The following RAB35 variants were observed in gnomAD, a reference collection of about 807,000 sequenced individuals.
RAB35 encodes RAB35, member RAS oncogene family.
Under a neutral mutation model 28.9 loss-of-function variants are expected in RAB35, and 4 were observed. The ratio of observed to expected loss-of-function variants is 0.14; its 90% CI spans 0.07 to 0.32. The LOEUF is 0.32. Ranked by LOEUF, RAB35 falls within the 10% of genes least tolerant of loss-of-function variation. The pLI is 1.00. For synonymous variants in RAB35, 99 were observed against 105.1 expected (o/e 0.94, Z 0.35); for missense variants, 128 against 274.0 (o/e 0.47, Z 3.76).
chr12:120,098,740 T>G, intron 5 of RAB35, 71 bp downstream of exon 5: 2 of 1,590,112 alleles, frequency 1.3e-6, no homozygotes, highest in East Asian at 2.2e-5. Context: ...TTTAGATGCC[T>G]CAAGCAGGCC....
chr12:120,111,342 T>A (rs2139061474), intron 1 of RAB35, among the ~76,000 whole-genome samples: 1 of 152,248 alleles, frequency 6.6e-6, no homozygotes, highest in East Asian at 1.9e-4. Context: ...GCTTGGCCTC[T>A]CCAGGTCCCC....
chr12:120,107,049 T>C (rs948670613), intron 2 of RAB35, among the ~76,000 whole-genome samples: 7 of 152,004 alleles, frequency 4.6e-5, no homozygotes, highest in East Asian at 3.9e-4. Flanking sequence ...AGTGCAGTGG[T>C]GCCATCTCAG....
Position 120,110,290 on chromosome 12 carries a change from A to ATTTTTTTTTTTTTTTTTTTT in RAB35, c.53-1824_53-1823insAAAAAAAAAAAAAAAAAAAA, listed in dbSNP as rs3999541. On this transcript the variant is annotated intron_variant, in intron 1 of 5. Transcript: ENST00000229340. ...TCTGTTCATGGGAGAAGCCCACAGC[A>ATTTTTTTTTTTTTTTTTTTT]TTTTTTTTTTTTTTGGAGAGATAGG... 4.1e-3 allele frequency among the ~76,000 whole-genome samples: 364 copies of ATTTTTTTTTTTTTTTTTTTT among 88,552 alleles called. 73 individuals are homozygous for ATTTTTTTTTTTTTTTTTTTT. Among genetic ancestry groups the ATTTTTTTTTTTTTTTTTTTT allele is most frequent in the African/African-American group, 0.017 (340 of 20,024 alleles). 58.1% of individuals were successfully genotyped at this position (88,552 alleles called of 152,430 possible). A position where few individuals can be genotyped will look rare whatever the true frequency, so the allele number is the denominator to read the frequency against.
In RAB35 at chr12:120,103,680, C is replaced by T; in HGVS notation, c.227+146G>A. The T allele has an allele frequency of 2.4e-6, 3 of 1,230,380 alleles. No individual in the cohort carries two copies. In the South Asian group the frequency reaches 4.2e-5, roughly 17 times the overall value. 76.2% of individuals were successfully genotyped at this position (1,230,380 alleles called of 1,614,324 possible). A position where few individuals can be genotyped will look rare whatever the true frequency, so the allele number is the denominator to read the frequency against. On this transcript the variant is annotated intron_variant, in intron 3 of 5. Transcript: ENST00000229340. The surrounding 1 kb of genome is among the most constrained non-coding windows in gnomAD (Gnocchi z 6.1). ...GGACCAGGAAGGGTGCAGCCAAACGCCACCTACTACAGCCAACAACAGGCT... is the reference window on the plus strand; with the variant it reads ...GGACCAGGAAGGGTGCAGCCAAACGTCACCTACTACAGCCAACAACAGGCT...
At chr12:120,112,972 C>A (rs1363858335) in intron 1 of RAB35, among the ~76,000 whole-genome samples, 3 of 150,978 alleles carry the variant, frequency 2.0e-5, no homozygotes, top group Non-Finnish European at 4.4e-5. Flanking sequence ...CTCACTGCAA[C>A]ATCCGCCTCC....
intron 1 of RAB35, 135 bp downstream of exon 1, chr12:120,116,463 TG>T: frequency 3.6e-6 from 2 of 560,030 alleles, no homozygotes; most frequent in Non-Finnish European, 4.5e-6. Flanking sequence ...GGCGCACCCC[TG>T]GGGCCCAGAC....
In RAB35 at chr12:120,096,260, C is replaced by T. The variant is rs1566279792; in HGVS notation, c.*985G>A. The T allele has an allele frequency of 2.1e-5, 10 of 475,654 alleles. No homozygotes were observed. The highest frequency in any genetic ancestry group is 1.6e-4 in the South Asian group (8 of 49,076). The allele number at this position is 475,654 out of a possible 1,614,324, so 29.5% of individuals were successfully genotyped here. A position where few individuals can be genotyped will look rare whatever the true frequency, so the allele number is the denominator to read the frequency against. On this transcript the variant is annotated 3_prime_UTR_variant, in exon 6 of 6. Transcript: ENST00000229340. ...CCACCAAGAAAGCCCAAGAGTCCAG[C>T]CCCACAATGGCAGGAAGCCATTCAT...
At chr12:120,098,171 GGC>G (rs1875509106) in intron 5 of RAB35, among the ~76,000 whole-genome samples, 1 of 152,198 alleles carries the variant, frequency 6.6e-6, no homozygotes. Flanking sequence ...GGCGTGAGCC[GGC>G]GCGCCCGGCC....
rs570201225 is a variant in RAB35 at position 120,105,355 on chromosome 12, C to T, written c.104-1406G>A. The stretch of plus-strand genomic sequence containing the variant: ...GCCCACTGCCTAGCACAGTTAGGCT[C>T]CCCAGAAACAGCTGGTGGCTAACGA... On this transcript the variant is annotated intron_variant, in intron 2 of 5. Transcript: ENST00000229340. 3.0e-3 allele frequency among the ~76,000 whole-genome samples: 452 copies of T among 152,216 alleles called. 3 individuals are homozygous for T. Among genetic ancestry groups the T allele is most frequent in the South Asian group, 9.9e-3 (48 of 4,828 alleles).
At chr12:120,114,331 G>C (rs751182196) in intron 1 of RAB35, among the ~76,000 whole-genome samples, 1 of 152,246 alleles carries the variant, frequency 6.6e-6, no homozygotes, top group Non-Finnish European at 1.5e-5. Context: ...GTCTTCAGGT[G>C]ATCTGCCCGC....
chr12:120,107,279 A>G (rs773650818), intron 2 of RAB35, among the ~76,000 whole-genome samples: 1 of 152,010 alleles, frequency 6.6e-6, no homozygotes, highest in South Asian at 2.1e-4. Context: ...GAGCCACCGC[A>G]CCCGGCTGAA....
Position 120,103,995 on chromosome 12 carries a change from A to G in RAB35, c.104-46T>C. On this transcript the variant is annotated intron_variant, in intron 2 of 5. Transcript: ENST00000229340. The surrounding 1 kb of genome is among the most constrained non-coding windows in gnomAD (Gnocchi z 6.1). ...ACGAGGCCCAGCGCGGTATCTTCCC[A>G]GGCCCTGAGCCCCACGCTGCACACA... is the stretch of plus-strand genomic sequence containing the variant. 1 of 1,606,014 alleles carries G rather than the reference A, an allele frequency of 6.2e-7. No homozygotes were observed. The highest frequency in any genetic ancestry group is 2.2e-5 in the East Asian group (1 of 44,826).
rs1026349369 is a variant in RAB35 at position 120,103,332 on chromosome 12, G to A, written c.227+494C>T. 7.9e-5 allele frequency among the ~76,000 whole-genome samples: 12 copies of A among 152,170 alleles called. No individual in the cohort carries two copies. The highest frequency in any genetic ancestry group is 1.5e-4 in the Non-Finnish European group (10 of 68,030). Reference sequence around the variant, plus strand: ...GGAACAGCTTTAAGGGTAGGGAAGGGCCTGCTGACATGCACCGTGTTCGTC... The same window carrying A: ...GGAACAGCTTTAAGGGTAGGGAAGGACCTGCTGACATGCACCGTGTTCGTC... On this transcript the variant is annotated intron_variant, in intron 3 of 5. Transcript: ENST00000229340. The surrounding 1 kb of genome is among the most constrained non-coding windows in gnomAD (Gnocchi z 6.1).
intron 1 of RAB35, among the ~76,000 whole-genome samples, chr12:120,114,102 CT>C (rs1051805055): frequency 3.3e-5 from 5 of 151,928 alleles, no homozygotes; most frequent in African/African-American, 1.2e-4. Flanking sequence ...CCTCAGTTTC[CT>C]TTTTTTTAAG....
chr12:120,095,125 G>C lies in RAB35; in HGVS notation c.*2120C>G, dbSNP rs1375838406. ...TTGGCAGCTTGAACCTTTATTTTTA[G>C]TATTTTTTTAAAAAGCATAATTAGA... On this transcript the variant is annotated 3_prime_UTR_variant, in exon 6 of 6. Transcript: ENST00000229340. 2 of 152,230 alleles carry C rather than the reference G, an allele frequency of 1.3e-5. No homozygotes were observed. The highest frequency in any genetic ancestry group is 1.3e-4 in the Admixed American group (2 of 15,276). 9.4% of individuals were successfully genotyped at this position (152,230 alleles called of 1,614,324 possible). A position where few individuals can be genotyped will look rare whatever the true frequency, so the allele number is the denominator to read the frequency against.
intron 1 of RAB35, among the ~76,000 whole-genome samples, chr12:120,114,350 C>T (rs1876243593): frequency 6.6e-6 from 1 of 152,262 alleles, no homozygotes; most frequent in Non-Finnish European, 1.5e-5. Flanking sequence ...GCCTTGGCCT[C>T]CCAAAGTGAT....
Position 120,104,029 on chromosome 12 carries a change from C to G in RAB35, c.104-80G>C. The G allele has an allele frequency of 3.9e-6, 6 of 1,547,130 alleles. No homozygotes were observed. The South Asian group carries it at 6.2e-5, about 16-fold the overall frequency. The stretch of plus-strand genomic sequence containing the variant: ...GCCCCACGCTGCACACAACACACCC[C>G]CAGGCTCCCCCACCCTCCCGACTCA... On this transcript the variant is annotated intron_variant, in intron 2 of 5. Transcript: ENST00000229340.
chr12:120,107,508 A>G (rs73410869), intron 2 of RAB35, among the ~76,000 whole-genome samples: 2,704 of 152,302 alleles, frequency 0.018, 80 homozygotes, highest in African/African-American at 0.061. Context: ...GGCAGTACCT[A>G]TGAAAATTCT....
intron 5 of RAB35, 53 bp from the exon 6 acceptor site, chr12:120,097,426 G>C: frequency 1.4e-6 from 2 of 1,479,462 alleles, no homozygotes; most frequent in Non-Finnish European, 1.9e-6. Context: ...GGAGGCCCCT[G>C]CTGGCCTGCA....
Sources: gnomAD v4.1 joint callset for allele counts (sites outside exome capture counted in the v4.1 genomes callset) on GRCh38, gnomAD v4.1.1 for gene constraint, Gnocchi (gnomAD v3.1) non-coding constraint, MANE v1.5 for transcripts, NCBI Gene and HGNC (gene_info 2026-07-23, HGNC 2026-07-21) for gene names.